PVT1: variants seen among roughly 807,000 people sequenced by gnomAD.
PVT1 encodes the protein CXCR4/PVT1 fusion.
At chr8:127,919,166 T>A (rs1190946996) in intron 3 of PVT1, among the ~76,000 whole-genome samples, 1 of 152,128 alleles carries the variant, frequency 6.6e-6, no homozygotes, top group Non-Finnish European at 1.5e-5. Flanking sequence ...CCGGTTTACT[T>A]TTGTTGGCTT....
intron 3 of PVT1, chr8:127,983,986 C>T (rs1816913845): frequency 1.3e-5 from 2 of 150,860 alleles, no homozygotes; most frequent in African/African-American, 2.4e-5. Context: ...TCAAGTGATC[C>T]TCCTGCCTCA....
chr8:127,846,774 C>A (rs931279329), intron 2 of PVT1, among the ~76,000 whole-genome samples: 2 of 151,588 alleles, frequency 1.3e-5, no homozygotes, highest in African/African-American at 2.4e-5. Flanking sequence ...CGGATTCAAG[C>A]GATTCTCCTG....
rs74467502 is a variant in PVT1, at chr8:127,973,380, A to G, written n.783-15782A>G. Among the ~76,000 whole-genome samples the G allele has an allele frequency of 4.9e-3, 743 of 152,328 alleles. 5 individuals are homozygous for G. The highest frequency in any genetic ancestry group is 0.017 in the African/African-American group (717 of 41,572). On this transcript the variant is annotated intron_variant and non_coding_transcript_variant, in intron 3 of 10. Transcript: ENST00000651587. Reference sequence around the variant, plus strand: ...TACACTAAGTACTCACCATGCTGCTAGGAGGAAAGTTCTGAAATGTCCCCA... The same window carrying G: ...TACACTAAGTACTCACCATGCTGCTGGGAGGAAAGTTCTGAAATGTCCCCA...
At chr8:128,013,189 T>A (rs1817334965) in intron 4 of PVT1, among the ~76,000 whole-genome samples, 1 of 152,212 alleles carries the variant, frequency 6.6e-6, no homozygotes, top group Admixed American at 6.5e-5. Context: ...CCCTTCCCTG[T>A]GCCTCTGTTT....
chr8:127,802,285 A>G (rs1814473919), intron 2 of PVT1, among the ~76,000 whole-genome samples: 1 of 151,648 alleles, frequency 6.6e-6, no homozygotes, highest in African/African-American at 2.4e-5. Context: ...GTGTTCATAG[A>G]TCATTATAGC....
intron 4 of PVT1, among the ~76,000 whole-genome samples, chr8:128,006,979 G>A (rs539477507): frequency 6.6e-5 from 10 of 152,218 alleles, no homozygotes; most frequent in Non-Finnish European, 1.5e-4. Context: ...TTGCTGCTGT[G>A]CTATCCTTGA....
At chr8:128,091,491 A>C (rs1483854261) in intron 5 of PVT1, among the ~76,000 whole-genome samples, 3 of 152,090 alleles carry the variant, frequency 2.0e-5, no homozygotes, top group African/African-American at 7.2e-5. Context: ...TTACATTCTC[A>C]TCTGGGGAGA....
chr8:127,983,426 C>T (rs978769939), intron 3 of PVT1, among the ~76,000 whole-genome samples: 1 of 152,152 alleles, frequency 6.6e-6, no homozygotes, highest in South Asian at 2.1e-4. Context: ...ATGGTTAATA[C>T]TCCAGGCTCT....
chr8:127,879,476 C>T (rs1427761002), intron 2 of PVT1, among the ~76,000 whole-genome samples: 4 of 152,212 alleles, frequency 2.6e-5, no homozygotes, highest in Admixed American at 6.5e-5. Context: ...TTGTAGTGAG[C>T]TGAGATCACG....
At chr8:127,840,199 A>T (rs930914193) in intron 2 of PVT1, among the ~76,000 whole-genome samples, 1 of 152,144 alleles carries the variant, frequency 6.6e-6, no homozygotes, top group African/African-American at 2.4e-5. Context: ...GTTTGAGCAG[A>T]TGTGTGCATC....
intron 5 of PVT1, among the ~76,000 whole-genome samples, chr8:128,096,070 TA>T (rs1222085950): frequency 2.0e-5 from 3 of 152,136 alleles, no homozygotes; most frequent in Non-Finnish European, 4.4e-5. Context: ...TGAGTCAAAA[TA>T]AAAAAAGATA....
chr8:128,033,247 T>A (rs1156583508), intron 4 of PVT1, among the ~76,000 whole-genome samples: 2 of 152,204 alleles, frequency 1.3e-5, no homozygotes, highest in African/African-American at 4.8e-5. Context: ...CCACGGGGCT[T>A]TATCAAGGTT....
Position 127,991,831 on chromosome 8 carries a change from C to T in PVT1, n.912+2540C>T, listed in dbSNP as rs117926307. On this transcript the variant is annotated intron_variant and non_coding_transcript_variant, in intron 4 of 10. Transcript: ENST00000651587. The stretch of plus-strand genomic sequence containing the variant: ...TGCAGTTCTACTTGTCCTAAAGGCA[C>T]TTCTCACACTGGGAGCCTGCCTGTC... Among the ~76,000 whole-genome samples the T allele has an allele frequency of 8.0e-4, 122 of 152,226 alleles. 3 individuals carry two copies. In the East Asian group the frequency reaches 0.017, roughly 21 times the overall value.
At chr8:127,871,826 C>T (rs1174874013) in intron 2 of PVT1, among the ~76,000 whole-genome samples, 2 of 152,178 alleles carry the variant, frequency 1.3e-5, no homozygotes, top group African/African-American at 4.8e-5. Flanking sequence ...CAGTGGCTCA[C>T]GCCTGTAATC....
chr8:127,827,572 G>A (rs1586396342), intron 2 of PVT1, among the ~76,000 whole-genome samples: 1 of 152,194 alleles, frequency 6.6e-6, no homozygotes, highest in East Asian at 1.9e-4. Context: ...TGTGCAGCTT[G>A]TTCCTTATCC....
chr8:128,035,356 C>A (rs543832414), intron 4 of PVT1, among the ~76,000 whole-genome samples: 1 of 152,198 alleles, frequency 6.6e-6, no homozygotes. Flanking sequence ...CTTGCAATTT[C>A]TAAGGGTTCC....
intron 2 of PVT1, among the ~76,000 whole-genome samples, chr8:127,858,072 C>T (rs1036485164): frequency 2.0e-5 from 3 of 152,232 alleles, no homozygotes; most frequent in African/African-American, 7.2e-5. Flanking sequence ...TGAGAAATCC[C>T]CAAAGATTCA....
At chr8:127,985,611 A>G (rs1228148440) in intron 3 of PVT1, among the ~76,000 whole-genome samples, 1 of 152,014 alleles carries the variant, frequency 6.6e-6, no homozygotes, top group Admixed American at 6.6e-5. Flanking sequence ...AGAATCTAGC[A>G]AGCGTGGGGG....
rs574045585 is a variant in PVT1, at chr8:127,959,355, G to A, written n.783-29807G>A. On this transcript the variant is annotated intron_variant and non_coding_transcript_variant, in intron 3 of 10. Transcript: ENST00000651587. ...TAATCCCAACACTTTGGGAGGCCAA[G>A]GCGGGCGGATTACGAGGTCAAGAGA... Among the ~76,000 whole-genome samples, 5 of 152,290 alleles carry A rather than the reference G, an allele frequency of 3.3e-5. No homozygotes were observed. The East Asian group carries it at 9.7e-4, about 29-fold the overall frequency.
Sources: gnomAD v4.1 joint callset for allele counts (sites outside exome capture counted in the v4.1 genomes callset) on GRCh38, gnomAD v4.1.1 for gene constraint, MANE v1.5 for transcripts, NCBI Gene and HGNC (gene_info 2026-07-23, HGNC 2026-07-21) for gene names.